The following SPAG16 variants were observed in gnomAD, a reference collection of about 807,000 sequenced individuals.
SPAG16 encodes sperm-associated antigen 16 protein.
Under a neutral mutation model 80.4 loss-of-function variants are expected in SPAG16, and 86 were observed. That is an observed-to-expected ratio of 1.07 (90% CI 0.90 to 1.28). The LOEUF (loss-of-function observed/expected upper bound fraction) is 1.28. SPAG16 is among the 50% of genes most tolerant of loss of function. SPAG16 has a pLI of 0.00. For synonymous variants in SPAG16, 294 were observed against 265.9 expected (o/e 1.11, Z -1.03); for missense variants, 870 against 765.3 (o/e 1.14, Z -1.61).
At chr2:213,716,462 G>A (rs1482318013) in intron 10 of SPAG16, among the ~76,000 whole-genome samples, 1 of 152,174 alleles carries the variant, frequency 6.6e-6, no homozygotes, top group Non-Finnish European at 1.5e-5. Flanking sequence ...AATTATAGGG[G>A]AGAAAGAAAG....
chr2:213,334,116 A>C (rs1247549491), intron 5 of SPAG16, among the ~76,000 whole-genome samples: 1 of 152,128 alleles, frequency 6.6e-6, no homozygotes, highest in African/African-American at 2.4e-5. Context: ...CTATAGGAAA[A>C]AAGTCTAATA....
At chr2:213,621,225 C>A (rs1268424225) in intron 10 of SPAG16, among the ~76,000 whole-genome samples, 3 of 151,894 alleles carry the variant, frequency 2.0e-5, no homozygotes, top group Non-Finnish European at 4.4e-5. Flanking sequence ...TTAGATTGAT[C>A]TTTTTTGTTA....
intron 14 of SPAG16, among the ~76,000 whole-genome samples, chr2:214,147,013 A>G (rs1323457885): frequency 2.1e-5 from 2 of 93,168 alleles, no homozygotes; most frequent in Admixed American, 1.4e-4. Context: ...AAAAAAAAAA[A>G]AAAATTTTCA....
chr2:213,793,322 C>T (rs79543117), intron 10 of SPAG16, among the ~76,000 whole-genome samples: 2 of 152,124 alleles, frequency 1.3e-5, no homozygotes, highest in East Asian at 3.9e-4. Flanking sequence ...CCCAAACATA[C>T]AAAGCAACAA....
At position 214,271,474 on chromosome 2, in the gene SPAG16, A is replaced by T. The variant is rs558830317; in HGVS notation, c.1720+122208A>T. 2.6e-5 allele frequency among the ~76,000 whole-genome samples: 4 copies of T among 152,308 alleles called. No homozygotes were observed. In the South Asian group the frequency reaches 8.3e-4, roughly 32 times the overall value. The stretch of plus-strand genomic sequence containing the variant: ...CTAATCTCCTAATAAGCTGAAAGAA[A>T]ATTATGACTTCAAACAATATATTGA... On this transcript the variant is annotated intron_variant, in intron 15 of 15. Coordinates refer to ENST00000331683, the MANE Select transcript of SPAG16 (RefSeq NM_024532.5).
chr2:213,867,610 T>C (rs1382810926), intron 11 of SPAG16, among the ~76,000 whole-genome samples: 1 of 152,064 alleles, frequency 6.6e-6, no homozygotes, highest in African/African-American at 2.4e-5. Flanking sequence ...TTTTCATTGA[T>C]AGAAATTTTG....
intron 10 of SPAG16, among the ~76,000 whole-genome samples, chr2:213,619,073 C>T (rs945607902): frequency 7.9e-5 from 12 of 152,062 alleles, no homozygotes; most frequent in Non-Finnish European, 1.5e-5. Context: ...ATTACTACAA[C>T]GGTAAAGCAA....
intron 13 of SPAG16, among the ~76,000 whole-genome samples, chr2:214,054,063 G>A (rs2049804166): frequency 6.6e-6 from 1 of 152,048 alleles, no homozygotes; most frequent in Non-Finnish European, 1.5e-5. Context: ...TTGTTGGAGG[G>A]CAGTGGCACA....
intron 13 of SPAG16, among the ~76,000 whole-genome samples, chr2:214,059,573 G>T: frequency 6.6e-6 from 1 of 151,870 alleles, no homozygotes; most frequent in African/African-American, 2.4e-5. Context: ...TATAATTTAT[G>T]AATCACAATC....
intron 10 of SPAG16, among the ~76,000 whole-genome samples, chr2:213,757,549 A>G (rs2068411192): frequency 6.6e-6 from 1 of 152,194 alleles, no homozygotes; most frequent in Non-Finnish European, 1.5e-5. Context: ...CCTAGAGAAC[A>G]ATTGTACTGG....
At chr2:214,290,533 G>A (rs1693721224) in intron 15 of SPAG16, among the ~76,000 whole-genome samples, 2 of 151,868 alleles carry the variant, frequency 1.3e-5, no homozygotes, top group African/African-American at 2.4e-5. Context: ...GTCCCTTTTA[G>A]CACTGCTTTT....
At chr2:213,365,706 C>T (rs1010993918) in intron 8 of SPAG16, among the ~76,000 whole-genome samples, 1 of 151,862 alleles carries the variant, frequency 6.6e-6, no homozygotes, top group African/African-American at 2.4e-5. Flanking sequence ...GATCCGCCTG[C>T]CTCAGCCTCC....
intron 11 of SPAG16, among the ~76,000 whole-genome samples, chr2:213,907,463 G>C (rs940193038): frequency 7.6e-6 from 1 of 132,450 alleles, no homozygotes; most frequent in African/African-American, 2.6e-5. Context: ...GGAAAACAGC[G>C]TGGAGGTTTC....
At chr2:213,942,603 G>A (rs1475011088) in intron 12 of SPAG16, among the ~76,000 whole-genome samples, 1 of 152,148 alleles carries the variant, frequency 6.6e-6, no homozygotes, top group Non-Finnish European at 1.5e-5. Flanking sequence ...CTTCAGTTGG[G>A]ACAGCTGGGG....
chr2:213,788,184 A>G (rs2070459673), intron 10 of SPAG16, among the ~76,000 whole-genome samples: 1 of 152,010 alleles, frequency 6.6e-6, no homozygotes, highest in African/African-American at 2.4e-5. Flanking sequence ...GTGCTATTGT[A>G]ATGTTGTTTA....
At chr2:214,277,460 A>G (rs180918621) in intron 15 of SPAG16, among the ~76,000 whole-genome samples, 26 of 152,104 alleles carry the variant, frequency 1.7e-4, no homozygotes, top group Admixed American at 1.4e-3. Flanking sequence ...TGACCTACCA[A>G]TGGGGTTTTG....
intron 11 of SPAG16, among the ~76,000 whole-genome samples, chr2:213,911,223 G>A (rs2077650568): frequency 6.6e-6 from 1 of 152,170 alleles, no homozygotes; most frequent in Non-Finnish European, 1.5e-5. Context: ...ACAGCTCACT[G>A]CAACTTCCAC....
chr2:213,377,905 T>TA (rs1559472321), intron 9 of SPAG16, among the ~76,000 whole-genome samples: 6 of 14,522 alleles, frequency 4.1e-4, no homozygotes, highest in African/African-American at 2.2e-3. Flanking sequence ...ATATATATAT[T>TA]TTTTTTTTTT....
intron 15 of SPAG16, among the ~76,000 whole-genome samples, chr2:214,354,956 T>G (rs983777981): frequency 6.6e-6 from 1 of 152,260 alleles, no homozygotes; most frequent in African/African-American, 2.4e-5. Context: ...CAGGGACAAT[T>G]TGACTTCCTC....
Sources: gnomAD v4.1 joint callset for allele counts (sites outside exome capture counted in the v4.1 genomes callset) on GRCh38, gnomAD v4.1.1 for gene constraint, MANE v1.5 for transcripts, NCBI Gene and HGNC (gene_info 2026-07-23, HGNC 2026-07-21) for gene names.